EYS: variants seen among roughly 807,000 people sequenced by gnomAD.
EYS encodes protein eyes shut homolog.
Under a neutral mutation model 282.1 loss-of-function variants are expected in EYS, and 250 were observed. The observed-to-expected ratio is 0.89, with a 90% CI of 0.80 to 0.98. EYS has a LOEUF of 0.98. EYS is among the 50% of genes least tolerant of loss of function. The pLI is 0.00. For missense variants in EYS, 4,016 were observed against 3,709.0 expected (o/e 1.08, Z -2.15); for synonymous variants, 1,355 against 1,282.9 (o/e 1.06, Z -1.20).
chr6:65,128,076 C>G (rs999472237), intron 12 of EYS, among the ~76,000 whole-genome samples: 2 of 151,966 alleles, frequency 1.3e-5, no homozygotes, highest in African/African-American at 2.4e-5. Flanking sequence ...AAGAACTTCC[C>G]ATGGTCAAAC....
intron 29 of EYS, among the ~76,000 whole-genome samples, chr6:64,330,577 C>G (rs1409238301): frequency 1.3e-5 from 2 of 152,090 alleles, no homozygotes; most frequent in Non-Finnish European, 1.5e-5. Flanking sequence ...AGTCTTGGTA[C>G]AAAAACTAGG....
chr6:65,683,457 G>T (rs572654589), intron 1 of EYS, among the ~76,000 whole-genome samples: 2 of 151,158 alleles, frequency 1.3e-5, no homozygotes, highest in East Asian at 4.0e-4. Context: ...GTTGAATACA[G>T]TTTGCTTGCC....
chr6:65,654,056 G>C (rs1272322277), intron 1 of EYS, among the ~76,000 whole-genome samples: 5 of 152,002 alleles, frequency 3.3e-5, no homozygotes, highest in African/African-American at 1.2e-4. Flanking sequence ...AGGATTATTA[G>C]AAGTATTTAT....
intron 31 of EYS, among the ~76,000 whole-genome samples, chr6:64,122,352 T>C (rs1773618615): frequency 2.0e-5 from 3 of 152,144 alleles, no homozygotes; most frequent in African/African-American, 7.2e-5. Context: ...TGGATATGAA[T>C]TAGTAGAGTA....
intron 31 of EYS, among the ~76,000 whole-genome samples, chr6:64,121,289 A>G (rs2150274142): frequency 6.6e-6 from 1 of 152,346 alleles, no homozygotes; most frequent in South Asian, 2.1e-4. Flanking sequence ...CCCACATTCA[A>G]AAGGAGATAA....
intron 35 of EYS, among the ~76,000 whole-genome samples, chr6:63,964,170 T>A (rs1006163043): frequency 2.0e-5 from 3 of 152,172 alleles, no homozygotes; most frequent in South Asian, 4.1e-4. Context: ...CAGTAGACTC[T>A]CCACTAGCTG....
At chr6:63,799,020 T>TAA (rs1554170420) in intron 37 of EYS, among the ~76,000 whole-genome samples, 4 of 132,236 alleles carry the variant, frequency 3.0e-5, no homozygotes, top group South Asian at 4.7e-4. Context: ...TATATATATA[T>TAA]AATTTTTTTT....
chr6:64,412,028 A>G (rs1165497590), intron 28 of EYS, among the ~76,000 whole-genome samples: 1 of 97,966 alleles, frequency 1.0e-5, no homozygotes, highest in Non-Finnish European at 2.3e-5. Flanking sequence ...TTCAAGAGGA[A>G]TGAATTGATA....
intron 28 of EYS, among the ~76,000 whole-genome samples, chr6:64,417,093 C>T (rs932993574): frequency 4.6e-5 from 7 of 152,162 alleles, no homozygotes; most frequent in Non-Finnish European, 1.0e-4. Flanking sequence ...ACCATTACTT[C>T]ATGGTCCTGG....
At chr6:65,365,570 A>C (rs946261176) in intron 8 of EYS, among the ~76,000 whole-genome samples, 9 of 151,546 alleles carry the variant, frequency 5.9e-5, no homozygotes, top group Non-Finnish European at 1.5e-5. Flanking sequence ...TATCTCATTG[A>C]GTGACTATTA....
intron 22 of EYS, among the ~76,000 whole-genome samples, chr6:64,703,429 A>ATATATATATTTTTTTTT (rs869208549): frequency 4.3e-5 from 1 of 23,362 alleles, no homozygotes; most frequent in Non-Finnish European, 1.1e-4. Flanking sequence ...ATATATATAT[A>ATATATATATTTTTTTTT]TTTTTTTTTT....
At chr6:64,909,924 T>A (rs930517339) in intron 16 of EYS, among the ~76,000 whole-genome samples, 1 of 152,186 alleles carries the variant, frequency 6.6e-6, no homozygotes, top group African/African-American at 2.4e-5. Context: ...CTAATATAGT[T>A]TTCTAACATA....
intron 2 of EYS, among the ~76,000 whole-genome samples, chr6:65,559,628 C>T (rs1768954443): frequency 6.6e-6 from 1 of 152,042 alleles, no homozygotes; most frequent in South Asian, 2.1e-4. Context: ...AGAAGAAATA[C>T]TATGTTTTTA....
chr6:63,852,640 G>C (rs986514862), intron 36 of EYS, among the ~76,000 whole-genome samples: 9 of 152,088 alleles, frequency 5.9e-5, no homozygotes, highest in African/African-American at 2.2e-4. Flanking sequence ...TATGAGGCTA[G>C]CATCATCCTG....
intron 30 of EYS, among the ~76,000 whole-genome samples, chr6:64,282,918 G>A (rs1234910818): frequency 6.6e-6 from 1 of 152,090 alleles, no homozygotes; most frequent in Non-Finnish European, 1.5e-5. Context: ...TTTACCAGAT[G>A]GCAGACAGAA....
Position 64,697,838 on chromosome 6 carries a change from C to A in EYS, c.3444-71593G>T, listed in dbSNP as rs566355021. Among the ~76,000 whole-genome samples, 68 of 151,752 alleles carry A rather than the reference C, an allele frequency of 4.5e-4. 1 individual carries two copies. Among genetic ancestry groups the A allele is most frequent in the African/African-American group, 1.6e-3 (68 of 41,408 alleles). ...GCACCTGTAGTCCCAGCTACTCAGG[C>A]GGCTGAGGCAGGATAATCACTTGAA... On this transcript the variant is annotated intron_variant, in intron 22 of 42. Transcript: ENST00000503581.
intron 41 of EYS, among the ~76,000 whole-genome samples, chr6:63,740,226 G>T (rs1161711292): frequency 6.6e-6 from 1 of 152,146 alleles, no homozygotes; most frequent in African/African-American, 2.4e-5. Context: ...AGTGGGAGGT[G>T]ATTGAGTCAT....
At chr6:64,566,761 A>T (rs533235335) in intron 26 of EYS, among the ~76,000 whole-genome samples, 11 of 152,132 alleles carry the variant, frequency 7.2e-5, no homozygotes, top group Admixed American at 6.5e-4. Flanking sequence ...TAAGGATAAC[A>T]CCAATTTGAT....
At chr6:64,181,725 C>G (rs923163954) in intron 31 of EYS, among the ~76,000 whole-genome samples, 3 of 151,962 alleles carry the variant, frequency 2.0e-5, no homozygotes, top group Admixed American at 1.3e-4. Context: ...TCAAAAATGC[C>G]ATAGACAGGA....
Sources: allele counts gnomAD v4.1 joint callset (sites outside exome capture counted in the v4.1 genomes callset), GRCh38; gene constraint gnomAD v4.1.1; transcripts MANE v1.5; gene names NCBI Gene and HGNC (gene_info 2026-07-23, HGNC 2026-07-21).